Variants in GLS observed in about 807,000 individuals in gnomAD.
GLS encodes glutaminase, also known as glutaminase kidney isoform, mitochondrial.
A neutral mutation model predicts 86.7 loss-of-function variants in GLS; 36 were observed. The observed-to-expected ratio is 0.42, with a 90% CI of 0.32 to 0.55. The LOEUF (loss-of-function observed/expected upper bound fraction) is 0.55, where lower values mean the gene tolerates loss of function less well. Ranked by LOEUF, GLS falls within the 20% of genes least tolerant of loss-of-function variation. The pLI, the probability that GLS is intolerant of heterozygous loss-of-function variation, is 0.17. For missense variants in GLS, 528 were observed against 833.4 expected (o/e 0.63, Z 4.51); for synonymous variants, 317 against 305.9 (o/e 1.04, Z -0.38).
rs1690488640 is a variant in GLS, at chr2:190,943,071, A to T, written c.1651-10494A>T. On this transcript the variant is annotated intron_variant, in intron 14 of 17. Coordinates refer to ENST00000320717, the MANE Select transcript of GLS (RefSeq NM_014905.5). This position sits in a 1 kb window ranked among gnomAD's most constrained non-coding sequence, Gnocchi z 4.5. ...CATTGACCAGACTAACTGCAAGGGA[A>T]TCTGGGAAAGTGTTTTTAATTGGAC... Among the ~76,000 whole-genome samples the T allele has an allele frequency of 6.6e-6, 1 of 152,210 alleles. No homozygotes were observed. The highest frequency in any genetic ancestry group is 2.1e-4 in the South Asian group (1 of 4,830).
chr2:190,902,581 A>G (rs2124845165), intron 5 of GLS, among the ~76,000 whole-genome samples: 1 of 152,334 alleles, frequency 6.6e-6, no homozygotes, highest in South Asian at 2.1e-4. Flanking sequence ...TTGCAGAATT[A>G]TAAAAAGGAT....
intron 17 of GLS, among the ~76,000 whole-genome samples, chr2:190,959,210 C>A (rs1343149724): frequency 8.8e-5 from 13 of 148,306 alleles, no homozygotes; most frequent in Admixed American, 8.1e-4. Flanking sequence ...GGTTTAAAGT[C>A]TGTTTTATCA....
intron 1 of GLS, chr2:190,882,189 A>G (rs955846228): frequency 6.6e-6 from 1 of 152,184 alleles, no homozygotes; most frequent in African/African-American, 2.4e-5. Flanking sequence ...CTTCCGTGAG[A>G]TGGGGAGATT....
At chr2:190,890,222 C>T (rs1438429509) in intron 1 of GLS, among the ~76,000 whole-genome samples, 1 of 151,990 alleles carries the variant, frequency 6.6e-6, no homozygotes, top group East Asian at 1.9e-4. Flanking sequence ...CTTGCTGTGT[C>T]ACCCAGGCTG....
intron 14 of GLS, chr2:190,934,562 T>C: frequency 1.0e-6 from 1 of 983,444 alleles, no homozygotes; most frequent in South Asian, 4.7e-5. Flanking sequence ...GGGCCATTTG[T>C]AGTTTGGGCA....
At chr2:190,946,243 G>A (rs1690574306) in intron 14 of GLS, among the ~76,000 whole-genome samples, 1 of 152,164 alleles carries the variant, frequency 6.6e-6, no homozygotes. Flanking sequence ...TTTAGCCACA[G>A]TATAATAGGT....
At chr2:190,934,210 A>G (rs1690197517) in intron 14 of GLS, 1 of 968,004 alleles carries the variant, frequency 1.0e-6, no homozygotes, top group Non-Finnish European at 1.2e-6. Flanking sequence ...GGTAATGGAA[A>G]GTCTGTAAAA....
chr2:190,923,870 C>G lies in GLS; in HGVS notation c.1131-47C>G, dbSNP rs753889243. 4.4e-6 allele frequency: 5 copies of G among 1,147,898 alleles called. No homozygotes were observed. In the South Asian group the frequency reaches 5.3e-5, roughly 12 times the overall value. 71.1% of individuals were successfully genotyped at this position (1,147,898 alleles called of 1,614,324 possible). ...GCAAATGAAATTATGAACAATCACACTTTTAAAGAAAGTACATAGAGCAAA... is the reference window on the plus strand; with the variant it reads ...GCAAATGAAATTATGAACAATCACAGTTTTAAAGAAAGTACATAGAGCAAA... On this transcript the variant is annotated intron_variant, in intron 9 of 17. Transcript: ENST00000320717.
In GLS at chr2:190,900,689, G is replaced by A; in HGVS notation, c.731G>A (p.Gly244Glu). 2.5e-6 allele frequency: 4 copies of A among 1,605,278 alleles called. No individual in the cohort carries two copies. The highest frequency in any genetic ancestry group is 3.4e-6 in the Non-Finnish European group (4 of 1,173,030). The change falls in exon 4 of 18, where the codon GGA (glycine) becomes GAA (glutamate). Residue 244 changes from glycine (G) to glutamate (E), a missense_variant. Physicochemically the swap from Gly to Glu is moderately conservative, Grantham distance 98 (BLOSUM62 -2). Transcript: ENST00000320717. Reference sequence around the variant, plus strand: ...GAAAGTGCTAAAAAGCAGTCTGGAGGAAAGGTAATGCTTTTGATGTACATA... The same window carrying A: ...GAAAGTGCTAAAAAGCAGTCTGGAGAAAAGGTAATGCTTTTGATGTACATA... Reference protein sequence around the residue: ...LYESAKKQSGGKVADYIPQLA... With the variant: ...LYESAKKQSGEKVADYIPQLA...
intron 7 of GLS, chr2:190,919,692 T>C: frequency 1.2e-6 from 1 of 823,664 alleles, no homozygotes; most frequent in Non-Finnish European, 1.5e-6. Context: ...TTTCTTCTTT[T>C]AATTATTTTT....
chr2:190,912,016 G>A (rs1055939842), intron 7 of GLS, among the ~76,000 whole-genome samples: 2 of 152,078 alleles, frequency 1.3e-5, no homozygotes, highest in African/African-American at 2.4e-5. Flanking sequence ...CTGCATGTGG[G>A]AATTGCATGT....
intron 11 of GLS, among the ~76,000 whole-genome samples, chr2:190,926,357 A>C (rs1689894713): frequency 6.6e-6 from 1 of 152,138 alleles, no homozygotes; most frequent in Non-Finnish European, 1.5e-5. Flanking sequence ...TTATATAAAT[A>C]GGCAATGTAG....
chr2:190,890,239 A>G lies in GLS; in HGVS notation c.387-4913A>G, dbSNP rs569841141. 5.9e-5 allele frequency among the ~76,000 whole-genome samples: 9 copies of G among 152,190 alleles called. No homozygotes were observed. The East Asian group carries it at 1.4e-3, about 23-fold the overall frequency. Reference sequence around the variant, plus strand: ...TGCTGTGTCACCCAGGCTGGAGTACATTGGTGCCATTATAGCTCACTGCAG... The same window carrying G: ...TGCTGTGTCACCCAGGCTGGAGTACGTTGGTGCCATTATAGCTCACTGCAG... On this transcript the variant is annotated intron_variant, in intron 1 of 17. Coordinates refer to ENST00000320717, the MANE Select transcript of GLS (RefSeq NM_014905.5).
In GLS at chr2:190,905,188, G is replaced by A; in HGVS notation, c.979+21G>A. 3 of 1,443,604 alleles carry A rather than the reference G, an allele frequency of 2.1e-6. No homozygotes were observed. The highest frequency in any genetic ancestry group is 1.2e-5 in the South Asian group (1 of 82,056). 89.4% of individuals were successfully genotyped at this position (1,443,604 alleles called of 1,614,324 possible). On this transcript the variant is annotated intron_variant, in intron 6 of 17. Coordinates refer to ENST00000320717, the MANE Select transcript of GLS (RefSeq NM_014905.5). This position sits in a 1 kb window ranked among gnomAD's most constrained non-coding sequence, Gnocchi z 4.6. ...AGATGGTAAGAATTACATAAACATT[G>A]GTTGAAAAAAGAAATGTCTCATTTT...
At chr2:190,946,806 C>T (rs779814728) in intron 14 of GLS, among the ~76,000 whole-genome samples, 3 of 151,892 alleles carry the variant, frequency 2.0e-5, no homozygotes, top group Non-Finnish European at 4.4e-5. Flanking sequence ...CGTTGGTTTC[C>T]TTCTGTGCTT....
At chr2:190,934,235 G>A in intron 14 of GLS, 1 of 957,574 alleles carries the variant, frequency 1.0e-6, no homozygotes, top group African/African-American at 1.8e-5. Context: ...ATATAGTGTA[G>A]CAAAAAAGAT....
chr2:190,888,062 AT>A (rs1688445689), intron 1 of GLS, among the ~76,000 whole-genome samples: 2 of 152,150 alleles, frequency 1.3e-5, no homozygotes, highest in South Asian at 4.1e-4. Flanking sequence ...TACTTTTAAG[AT>A]TTCCCCCCCA....
At position 190,954,958 on chromosome 2, in the gene GLS, C is replaced by T. The variant is rs1386382473; in HGVS notation, c.1853+140C>T. ...CTTATAAAGGCAATAAACCTTGTTT[C>T]TACTAGATAGGTAATTCTGTCTCCC... On this transcript the variant is annotated intron_variant, in intron 17 of 17. Transcript: ENST00000320717. This position sits in a 1 kb window ranked among gnomAD's most constrained non-coding sequence, Gnocchi z 4.0. 1.6e-6 allele frequency: 1 copy of T among 614,610 alleles called. No homozygotes were observed. Among genetic ancestry groups the T allele is most frequent in the African/African-American group, 1.8e-5 (1 of 54,124 alleles). 38.1% of individuals were successfully genotyped at this position (614,610 alleles called of 1,614,324 possible). A position where few individuals can be genotyped will look rare whatever the true frequency, so the allele number is the denominator to read the frequency against.
intron 14 of GLS, among the ~76,000 whole-genome samples, chr2:190,942,558 G>A (rs1005519722): frequency 1.3e-5 from 2 of 152,168 alleles, no homozygotes; most frequent in African/African-American, 4.8e-5. Flanking sequence ...AGGATTGGCA[G>A]CACTTGGTGA....
Sources: gnomAD v4.1 joint callset for allele counts (sites outside exome capture counted in the v4.1 genomes callset) on GRCh38, gnomAD v4.1.1 for gene constraint, Gnocchi (gnomAD v3.1) non-coding constraint, MANE v1.5 for transcripts, NCBI Gene and HGNC (gene_info 2026-07-23, HGNC 2026-07-21) for gene names.